Variants in OPRM1 observed in about 807,000 individuals in gnomAD.
The protein encoded by OPRM1 is mu-type opioid receptor.
OPRM1 carries 27 observed loss-of-function variants against 31.8 expected under a neutral mutation model. The ratio of observed to expected loss-of-function variants is 0.85; its 90% CI spans 0.63 to 1.17. The LOEUF (loss-of-function observed/expected upper bound fraction) is 1.17. Among genes scored for constraint, OPRM1 ranks in the 50% most tolerant of loss-of-function variants. The pLI is 0.00. For synonymous variants in OPRM1, 196 were observed against 189.9 expected, an observed-to-expected ratio of 1.03 and a Z score of -0.26; for missense variants, 536 against 511.1, an observed-to-expected ratio of 1.05 and a Z score of -0.47.
At chr6:154,100,776 A>T (rs1047111912) in intron 3 of OPRM1, among the ~76,000 whole-genome samples, 1 of 151,596 alleles carries the variant, frequency 6.6e-6, no homozygotes, top group African/African-American at 2.4e-5. Flanking sequence ...AGAATACTAG[A>T]TATCTACAAA....
intron 1 of OPRM1, among the ~76,000 whole-genome samples, chr6:154,065,746 A>G (rs548648165): frequency 4.6e-4 from 69 of 149,628 alleles, no homozygotes; most frequent in Non-Finnish European, 8.8e-4. Flanking sequence ...ATTTAGGTGT[A>G]TTTTTTTTTC....
chr6:154,178,681 C>CA (rs2128565034), intron 3 of OPRM1, among the ~76,000 whole-genome samples: 1 of 152,010 alleles, frequency 6.6e-6, no homozygotes, highest in South Asian at 2.1e-4. Context: ...ATATTATGCT[C>CA]AAAAAAACCA....
At chr6:154,052,668 A>T (rs1782443233) in intron 1 of OPRM1, among the ~76,000 whole-genome samples, 1 of 152,234 alleles carries the variant, frequency 6.6e-6, no homozygotes, top group Non-Finnish European at 1.5e-5. Flanking sequence ...CTGACACAGA[A>T]CATCTTAAAT....
At chr6:154,093,940 C>G (rs2128491180) in intron 3 of OPRM1, among the ~76,000 whole-genome samples, 1 of 152,266 alleles carries the variant, frequency 6.6e-6, no homozygotes, top group East Asian at 1.9e-4. Context: ...AAATTGGAGA[C>G]TTGATGGCTG....
At chr6:154,089,251 C>G (rs1791400148) in intron 1 of OPRM1, among the ~76,000 whole-genome samples, 1 of 151,844 alleles carries the variant, frequency 6.6e-6, no homozygotes, top group Non-Finnish European at 1.5e-5. Context: ...CTCCCTCTTT[C>G]TATTAGACCT....
At chr6:154,100,039 T>TATGATATATATCATGATATATATC (rs1562471720) in intron 3 of OPRM1, among the ~76,000 whole-genome samples, 1 of 84,960 alleles carries the variant, frequency 1.2e-5, no homozygotes, top group Non-Finnish European at 2.4e-5. Flanking sequence ...TATATTATCA[T>TATGATATATATCATGATATATATC]ATGATATATA....
chr6:154,171,309 A>C (rs1799850933), intron 3 of OPRM1, among the ~76,000 whole-genome samples: 1 of 152,244 alleles, frequency 6.6e-6, no homozygotes, highest in Non-Finnish European at 1.5e-5. Flanking sequence ...AGTTGTCCAC[A>C]ATACTTCAAC....
intron 1 of OPRM1, among the ~76,000 whole-genome samples, chr6:154,048,459 A>G (rs1177941128): frequency 6.6e-6 from 1 of 152,196 alleles, no homozygotes; most frequent in Non-Finnish European, 1.5e-5. Context: ...ATTGTTAAAA[A>G]AAAATTATGC....
chr6:154,083,070 T>G (rs1483896095), intron 1 of OPRM1, among the ~76,000 whole-genome samples: 1 of 152,180 alleles, frequency 6.6e-6, no homozygotes, highest in African/African-American at 2.4e-5. Context: ...AATCGAATAA[T>G]GCAGGAAATG....
intron 3 of OPRM1, among the ~76,000 whole-genome samples, chr6:154,152,327 G>GA (rs1554285056): frequency 0.074 from 2,109 of 28,540 alleles, 63 homozygotes; most frequent in African/African-American, 0.17. Flanking sequence ...AAGAAAGAAA[G>GA]AAAGAAAGAA....
At chr6:154,047,719 GTTTGTTTGTTT>G (rs1223427733) in intron 1 of OPRM1, among the ~76,000 whole-genome samples, 1 of 152,014 alleles carries the variant, frequency 6.6e-6, no homozygotes, top group Non-Finnish European at 1.5e-5. Flanking sequence ...TACAATTTTT[GTTTGTTTGTTT>G]TTTGTTTGTT....
chr6:154,035,886 A>G (rs147768580), upstream of OPRM1, among the ~76,000 whole-genome samples: 131 of 152,314 alleles, frequency 8.6e-4, no homozygotes, highest in Non-Finnish European at 1.6e-3. Flanking sequence ...GGGCTAAGCA[A>G]GAAGCATCAA....
intron 3 of OPRM1, chr6:154,221,347 C>T: frequency 6.2e-7 from 1 of 1,607,466 alleles, no homozygotes; most frequent in Non-Finnish European, 8.5e-7. Flanking sequence ...AGGAAAAGCA[C>T]AAACACATAA....
intron 1 of OPRM1, among the ~76,000 whole-genome samples, chr6:154,054,128 G>T (rs1410063161): frequency 1.3e-5 from 2 of 151,964 alleles, no homozygotes; most frequent in Admixed American, 6.6e-5. Flanking sequence ...TCAGCACTTT[G>T]GGAGGCCGAG....
At chr6:154,023,534 G>A (rs1778510685) in intron 1 of OPRM1, among the ~76,000 whole-genome samples, 1 of 151,106 alleles carries the variant, frequency 6.6e-6, no homozygotes. Context: ...CAATTTGGAT[G>A]CACTTTCTTT....
intron 3 of OPRM1, chr6:154,159,872 G>T: frequency 1.9e-6 from 3 of 1,612,818 alleles, no homozygotes; most frequent in Non-Finnish European, 1.7e-6. Flanking sequence ...GATTTCTTGA[G>T]TTCCTGGGGG....
chr6:154,228,287 C>T (rs6917621), intron 3 of OPRM1, among the ~76,000 whole-genome samples: 8 of 144,386 alleles, frequency 5.5e-5, no homozygotes, highest in Non-Finnish European at 9.0e-5. Flanking sequence ...ACAACATAGG[C>T]AGACCTTGTC....
At chr6:154,080,781 A>G (rs929551445) in intron 1 of OPRM1, among the ~76,000 whole-genome samples, 1 of 152,184 alleles carries the variant, frequency 6.6e-6, no homozygotes, top group East Asian at 1.9e-4. Context: ...TTGTCCCACA[A>G]CACCATACAT....
At chr6:154,181,246 A>G (rs567464641) in intron 3 of OPRM1, among the ~76,000 whole-genome samples, 1 of 152,356 alleles carries the variant, frequency 6.6e-6, no homozygotes, top group South Asian at 2.1e-4. Flanking sequence ...ACATTGGCAT[A>G]GTATAATTTG....
Sources: gnomAD v4.1 joint callset for allele counts (sites outside exome capture counted in the v4.1 genomes callset) on GRCh38, gnomAD v4.1.1 for gene constraint, MANE v1.5 for transcripts, NCBI Gene and HGNC (gene_info 2026-07-23, HGNC 2026-07-21) for gene names.